GSK3B: variants seen among roughly 807,000 people sequenced by gnomAD.
GSK3B encodes glycogen synthase kinase 3 beta, also known as glycogen synthase kinase-3 beta.
In GSK3B, 15 loss-of-function variants were observed where a neutral mutation model predicts 56.4. That is an observed-to-expected ratio of 0.27 (90% CI 0.18 to 0.41). The LOEUF is 0.41. Among genes scored for constraint, GSK3B ranks in the 10% least tolerant of loss-of-function variants. The pLI is 1.00. For missense variants in GSK3B, 300 were observed against 513.4 expected (o/e 0.58, Z 4.02); for synonymous variants, 181 against 188.9 (o/e 0.96, Z 0.34).
intron 3 of GSK3B, among the ~76,000 whole-genome samples, chr3:119,928,604 CAAAAAAATAAA>C (rs2056910853): frequency 6.3e-4 from 18 of 28,636 alleles, no homozygotes; most frequent in African/African-American, 1.7e-3. Context: ...GACTCCATAT[CAAAAAAATAAA>C]AAAAAAAAAA....
chr3:119,960,273 C>G (rs1466735998), intron 2 of GSK3B, among the ~76,000 whole-genome samples: 1 of 151,380 alleles, frequency 6.6e-6, no homozygotes, highest in African/African-American at 2.4e-5. Context: ...TGGTTACTGC[C>G]AGGGGTTACA....
chr3:119,823,414 T>G lies in GSK3B; in HGVS notation c.*3374A>C, dbSNP rs1217856669. ...ACTGCTAGTAATTGCACTATAGCAT[T>G]TTAGACCACTGACGTATCAAAACCT... On this transcript the variant is annotated 3_prime_UTR_variant, in exon 11 of 11. Transcript: ENST00000264235. 2 of 199,350 alleles carry G rather than the reference T, an allele frequency of 1.0e-5. No homozygotes were observed. The highest frequency in any genetic ancestry group is 2.1e-5 in the Non-Finnish European group (2 of 96,542). The allele number at this position is 199,350 out of a possible 1,614,324, so 12.3% of individuals were successfully genotyped here.
At chr3:120,044,992 G>A (rs140021862) in intron 1 of GSK3B, among the ~76,000 whole-genome samples, 1,659 of 152,276 alleles carry the variant, frequency 0.011, 17 homozygotes, top group Middle Eastern at 0.017. Flanking sequence ...AAAAGAAATC[G>A]TGGCCTCAAT....
chr3:119,893,259 A>G (rs1368713135), intron 7 of GSK3B, among the ~76,000 whole-genome samples: 1 of 152,060 alleles, frequency 6.6e-6, no homozygotes, highest in Non-Finnish European at 1.5e-5. Flanking sequence ...TCAGCCTCCC[A>G]AAGTGCTAGG....
chr3:120,046,184 G>A (rs1206769264), intron 1 of GSK3B, among the ~76,000 whole-genome samples: 3 of 152,130 alleles, frequency 2.0e-5, no homozygotes, highest in Non-Finnish European at 2.9e-5. Context: ...CACTGTAATC[G>A]TGGATACATG....
intron 2 of GSK3B, among the ~76,000 whole-genome samples, chr3:119,966,895 A>G (rs191346091): frequency 6.6e-6 from 1 of 152,320 alleles, no homozygotes; most frequent in East Asian, 1.9e-4. Context: ...AATAACATCA[A>G]AAAGAACATT....
chr3:119,980,382 C>T lies in GSK3B; in HGVS notation c.282+21664G>A, dbSNP rs139441972. ...CATTTTTTTTTTTAAGACAGAGTTTCGCTCTTGTTGCCCAGGCTGAAGTAC... is the reference window on the plus strand; with the variant it reads ...CATTTTTTTTTTTAAGACAGAGTTTTGCTCTTGTTGCCCAGGCTGAAGTAC... On this transcript the variant is annotated intron_variant, in intron 2 of 10. Transcript: ENST00000264235. 4.9e-3 allele frequency among the ~76,000 whole-genome samples: 751 copies of T among 152,054 alleles called. 3 individuals are homozygous for T. Among genetic ancestry groups the T allele is most frequent in the African/African-American group, 0.017 (704 of 41,502 alleles).
At chr3:119,943,478 C>T (rs898391688) in intron 3 of GSK3B, among the ~76,000 whole-genome samples, 2 of 151,956 alleles carry the variant, frequency 1.3e-5, no homozygotes, top group South Asian at 2.1e-4. Flanking sequence ...TAAACATGTA[C>T]GTATGGAATA....
intron 10 of GSK3B, 86 bp downstream of exon 10, chr3:119,843,169 C>A (rs2055801584): frequency 1.4e-6 from 1 of 718,872 alleles, no homozygotes; most frequent in South Asian, 1.4e-5. Context: ...CCCACCTCGG[C>A]CTCCCAAAGT....
At chr3:120,031,299 G>A (rs10433339) in intron 1 of GSK3B, among the ~76,000 whole-genome samples, 16,910 of 152,184 alleles carry the variant, frequency 0.11, 1,222 homozygotes, top group East Asian at 0.35. Flanking sequence ...GGAATGAAAC[G>A]TAGATAAAAA....
chr3:119,863,918 A>G (rs745399478), intron 8 of GSK3B, among the ~76,000 whole-genome samples: 1 of 152,190 alleles, frequency 6.6e-6, no homozygotes, highest in South Asian at 2.1e-4. Context: ...CTAGAAAAAT[A>G]TTTTTTAAAT....
intron 2 of GSK3B, among the ~76,000 whole-genome samples, chr3:119,994,521 G>A (rs750613123): frequency 3.9e-5 from 6 of 151,940 alleles, no homozygotes; most frequent in African/African-American, 9.7e-5. Context: ...GAGAAAAACC[G>A]TAATTCTACA....
At chr3:119,899,770 A>G (rs1348724419) in intron 7 of GSK3B, among the ~76,000 whole-genome samples, 1 of 152,142 alleles carries the variant, frequency 6.6e-6, no homozygotes, top group African/African-American at 2.4e-5. Context: ...GAAAAAATCA[A>G]CATCACATAG....
chr3:120,000,419 A>T (rs1010842090), intron 2 of GSK3B, among the ~76,000 whole-genome samples: 8 of 152,232 alleles, frequency 5.3e-5, no homozygotes, highest in African/African-American at 1.9e-4. Flanking sequence ...AACTGAAAAC[A>T]AAAACAACTG....
chr3:120,034,658 A>G (rs1229511226), intron 1 of GSK3B, among the ~76,000 whole-genome samples: 1 of 151,972 alleles, frequency 6.6e-6, no homozygotes, highest in Non-Finnish European at 1.5e-5. Flanking sequence ...TTTATTCTTT[A>G]TTTTTCAATT....
intron 2 of GSK3B, among the ~76,000 whole-genome samples, chr3:119,992,385 A>G (rs1207491986): frequency 6.6e-6 from 1 of 152,134 alleles, no homozygotes; most frequent in African/African-American, 2.4e-5. Context: ...CTTCTACTAA[A>G]TTGTACCCAG....
intron 1 of GSK3B, among the ~76,000 whole-genome samples, chr3:120,071,505 C>G (rs2058326301): frequency 6.6e-6 from 1 of 152,176 alleles, no homozygotes; most frequent in Non-Finnish European, 1.5e-5. Flanking sequence ...CCTGTAAGAT[C>G]AGCAGCAGCA....
chr3:120,074,297 C>T lies in GSK3B; in HGVS notation c.88+19050G>A, dbSNP rs567399321. Among the ~76,000 whole-genome samples, 74 of 147,874 alleles carry T rather than the reference C, an allele frequency of 5.0e-4. 1 individual carries two copies. In the Middle Eastern group the frequency reaches 0.052, roughly 105 times the overall value. The stretch of plus-strand genomic sequence containing the variant: ...CTTGGGTCACAGAGTGAGGCCCTGT[C>T]TCTAAAAAAAAAAAGAAAGAAAGAA... On this transcript the variant is annotated intron_variant, in intron 1 of 10. Transcript: ENST00000264235.
chr3:119,852,933 T>A (rs1341692960), intron 9 of GSK3B, among the ~76,000 whole-genome samples: 1 of 152,206 alleles, frequency 6.6e-6, no homozygotes, highest in Non-Finnish European at 1.5e-5. Context: ...CTTAATTAGA[T>A]CCCATTTGTC....
Sources: allele counts gnomAD v4.1 joint callset (sites outside exome capture counted in the v4.1 genomes callset), GRCh38; gene constraint gnomAD v4.1.1; transcripts MANE v1.5; gene names NCBI Gene and HGNC (gene_info 2026-07-23, HGNC 2026-07-21).